The following KDM1A variants were observed in gnomAD, a reference collection of about 807,000 sequenced individuals.
KDM1A encodes the protein lysine-specific histone demethylase 1A.
KDM1A carries 49 observed loss-of-function variants against 109.4 expected under a neutral mutation model. The ratio of observed to expected loss-of-function variants is 0.45; its 90% CI spans 0.36 to 0.57. KDM1A has a LOEUF of 0.57. Ranked by LOEUF, KDM1A falls within the 20% of genes least tolerant of loss-of-function variation. The pLI is 0.00. For synonymous variants in KDM1A, 380 were observed against 415.4 expected, an observed-to-expected ratio of 0.91 and a Z score of 1.04; for missense variants, 668 against 1,116.6, an observed-to-expected ratio of 0.60 and a Z score of 5.73.
intron 15 of KDM1A, 108 bp downstream of exon 15, chr1:23,073,511 C>T (rs1643377621): frequency 3.0e-6 from 2 of 670,716 alleles, no homozygotes; most frequent in South Asian, 3.7e-5. Flanking sequence ...TAAGAGACAT[C>T]ATTTACATAC....
At chr1:23,032,237 C>T (rs149680916) in intron 2 of KDM1A, among the ~76,000 whole-genome samples, 3 of 152,182 alleles carry the variant, frequency 2.0e-5, no homozygotes, top group African/African-American at 7.2e-5. Context: ...TGCTGCCTCA[C>T]CTTTTTTGTG....
intron 9 of KDM1A, among the ~76,000 whole-genome samples, chr1:23,060,439 A>G (rs1045230235): frequency 6.6e-6 from 1 of 152,186 alleles, no homozygotes; most frequent in Non-Finnish European, 1.5e-5. Context: ...AAAGCAGATC[A>G]CAAACATATC....
chr1:23,030,684 T>G, intron 2 of KDM1A, 50 bp downstream of exon 2: 1 of 1,457,982 alleles, frequency 6.9e-7, no homozygotes, highest in Non-Finnish European at 9.1e-7. Context: ...GAAATAAGAA[T>G]GAATGGATTT....
intron 12 of KDM1A, among the ~76,000 whole-genome samples, chr1:23,070,539 T>A (rs1200642428): frequency 6.6e-6 from 1 of 151,892 alleles, no homozygotes; most frequent in East Asian, 1.9e-4. Flanking sequence ...CCAGGCATGG[T>A]GGCTCACGCC....
At chr1:23,082,388 T>G (rs761354637) in intron 20 of KDM1A, 22 bp downstream of exon 20, 1 of 1,595,608 alleles carries the variant, frequency 6.3e-7, no homozygotes, top group Non-Finnish European at 8.5e-7. Context: ...GCAAACTATC[T>G]GGGCTTATTT....
rs746573541 is a variant in KDM1A, at chr1:23,050,515, C to T, written c.706C>T (p.Arg236Cys). 1.7e-5 allele frequency: 28 copies of T among 1,604,278 alleles called. No individual in the cohort carries two copies. The highest frequency in any genetic ancestry group is 2.4e-5 in the Non-Finnish European group (28 of 1,175,678). Residue 236 changes from arginine (R) to cysteine (C), a missense_variant, in exon 4 of 21, where the codon CGC becomes TGC. This residue lies in a region of KDM1A where 149 missense variants were observed against 189.7 expected (regional missense o/e 0.79). Transcript: ENST00000400181. ...TQKVFLFIRN[R>C]TLQLWLDNPK... ...GAAGGTTTTTCTTTTCATTAGAAAC[C>T]GCACAGTAAGTTTCCATTTCAGCTT...
At chr1:23,049,513 G>T (rs771839745) in intron 3 of KDM1A, among the ~76,000 whole-genome samples, 1 of 151,596 alleles carries the variant, frequency 6.6e-6, no homozygotes. Flanking sequence ...GTGAAGCCCC[G>T]TCTCTACTAA....
chr1:23,032,688 A>G (rs1391774730), intron 2 of KDM1A, among the ~76,000 whole-genome samples: 1 of 152,124 alleles, frequency 6.6e-6, no homozygotes, highest in Non-Finnish European at 1.5e-5. Flanking sequence ...CCTAGAAAAA[A>G]GTGTCAACTT....
intron 10 of KDM1A, among the ~76,000 whole-genome samples, chr1:23,066,274 TTGTGGGTGG>T (rs1350712887): frequency 6.6e-6 from 1 of 152,160 alleles, no homozygotes; most frequent in Non-Finnish European, 1.5e-5. Context: ...ATTAGGTTTT[TTGTGGGTGG>T]TGTGGGTGGA....
intron 10 of KDM1A, among the ~76,000 whole-genome samples, chr1:23,067,864 A>G (rs1048880504): frequency 7.9e-5 from 12 of 152,314 alleles, no homozygotes; most frequent in African/African-American, 2.4e-4. Context: ...CTGCTTTGCA[A>G]TCTGTTTGCT....
In KDM1A at chr1:23,083,303, T is replaced by C; in HGVS notation, c.2570T>C (p.Met857Thr). 14 of 1,613,912 alleles carry C rather than the reference T, an allele frequency of 8.7e-6. No homozygotes were observed. The highest frequency in any genetic ancestry group is 1.2e-5 in the Non-Finnish European group (14 of 1,179,972). The part of the protein sequence containing the change: ...GRIADQFLGA[M>T]YTLPRQATPG... ...ATTGCAGACCAGTTTTTGGGGGCCA[T>C]GTATACGCTGCCTCGCCAGGCCACA... The change falls in exon 21 of 21, where the codon ATG becomes ACG. Residue 857 changes from methionine to threonine, a missense_variant. This residue lies in a region of KDM1A where 69 missense variants were observed against 99.6 expected (regional missense o/e 0.69). Coordinates refer to ENST00000400181, the MANE Select transcript of KDM1A (RefSeq NM_001009999.3).
intron 9 of KDM1A, among the ~76,000 whole-genome samples, chr1:23,059,882 T>C (rs1206281152): frequency 6.6e-6 from 1 of 152,222 alleles, no homozygotes; most frequent in African/African-American, 2.4e-5. Context: ...TCTTTATATT[T>C]GGGGGAAATG....
intron 4 of KDM1A, among the ~76,000 whole-genome samples, chr1:23,052,292 A>G (rs1642696826): frequency 6.6e-6 from 1 of 152,204 alleles, no homozygotes; most frequent in African/African-American, 2.4e-5. Flanking sequence ...CTTTAGGATT[A>G]TTGAACTAGA....
intron 2 of KDM1A, among the ~76,000 whole-genome samples, chr1:23,037,009 G>GTGCATGCCT (rs1282418312): frequency 1.3e-5 from 2 of 152,064 alleles, no homozygotes; most frequent in African/African-American, 4.8e-5. Flanking sequence ...GCCTGGTGTG[G>GTGCATGCCT]TGCATGCCTG....
intron 1 of KDM1A, among the ~76,000 whole-genome samples, chr1:23,029,860 G>A (rs925633273): frequency 6.6e-6 from 1 of 152,098 alleles, no homozygotes; most frequent in African/African-American, 2.4e-5. Context: ...GGTTGGTCTC[G>A]AACTCCTGAC....
intron 7 of KDM1A, among the ~76,000 whole-genome samples, chr1:23,056,727 C>T (rs1329285940): frequency 6.7e-6 from 1 of 150,202 alleles, no homozygotes; most frequent in Non-Finnish European, 1.5e-5. Context: ...TTAAAAAATA[C>T]AATAAGGAAT....
intron 1 of KDM1A, among the ~76,000 whole-genome samples, chr1:23,021,507 AC>A (rs1204320684): frequency 6.6e-6 from 1 of 152,274 alleles, no homozygotes. Flanking sequence ...TACTAAAAAT[AC>A]AAAAAATTAG....
chr1:23,056,375 C>T (rs559231177), intron 7 of KDM1A, among the ~76,000 whole-genome samples: 1 of 151,974 alleles, frequency 6.6e-6, no homozygotes, highest in Admixed American at 6.6e-5. Flanking sequence ...AGAGTGAATT[C>T]CCTGTTTTTG....
At chr1:23,024,939 G>A (rs1641750125) in intron 1 of KDM1A, among the ~76,000 whole-genome samples, 1 of 152,168 alleles carries the variant, frequency 6.6e-6, no homozygotes, top group Non-Finnish European at 1.5e-5. Flanking sequence ...AAGCATCAGG[G>A]AATCCAGAGT....
Sources: gnomAD v4.1 joint callset for allele counts (sites outside exome capture counted in the v4.1 genomes callset) on GRCh38, gnomAD v4.1.1 for gene constraint, gnomAD v4.1.1 regional missense constraint, MANE v1.5 for transcripts, NCBI Gene and HGNC (gene_info 2026-07-23, HGNC 2026-07-21) for gene names.